Variants in CCDC142 observed in about 807,000 individuals in gnomAD.
CCDC142 encodes the protein coiled-coil domain-containing protein 142.
A neutral mutation model predicts 83.8 loss-of-function variants in CCDC142; 67 were observed. The observed-to-expected ratio is 0.80, with a 90% CI of 0.66 to 0.98. The LOEUF (loss-of-function observed/expected upper bound fraction) is 0.98. Ranked by LOEUF, CCDC142 falls within the 50% of genes least tolerant of loss-of-function variation. CCDC142 has a pLI of 0.00. For missense variants in CCDC142, 905 were observed against 946.8 expected (o/e 0.96, Z 0.58); for synonymous variants, 421 against 421.2 (o/e 1.00, Z 0.01).
At position 74,482,195 on chromosome 2, in the gene CCDC142, G is replaced by T; in HGVS notation, c.643C>A (p.Leu215Ile). The T allele has an allele frequency of 6.2e-7, 1 of 1,613,714 alleles. No homozygotes were observed. Among genetic ancestry groups the T allele is most frequent in the Non-Finnish European group, 8.5e-7 (1 of 1,179,942 alleles). The stretch of plus-strand genomic sequence containing the variant: ...ACGTGGCTCAAGGCTTTTCTCTGTA[G>T]TGTGTGGTAGGCGGGAAGTGCAAAG... ...LLFALPAYHT[L>I]QRKALSHVPG... Residue 215 changes from leucine to isoleucine, a missense_variant, in exon 1 of 9, where the codon CTA becomes ATA. Physicochemically the swap from Leu to Ile is conservative, Grantham distance 5 (BLOSUM62 2). Transcript: ENST00000393965. This position sits in a 1 kb window ranked among gnomAD's most constrained non-coding sequence, Gnocchi z 5.0.
intron 1 of CCDC142, 91 bp from the exon 2 acceptor site, chr2:74,481,629 C>T (rs115138061): frequency 0.019 from 26,554 of 1,413,430 alleles, 302 homozygotes; most frequent in Non-Finnish European, 0.023. Context: ...AGGCATGCTT[C>T]CTCCAAGACT....
At position 74,474,899 on chromosome 2, in the gene CCDC142, G is replaced by A. The variant is rs370604172; in HGVS notation, c.1996+17C>T. On this transcript the variant is annotated intron_variant, in intron 8 of 8. Transcript: ENST00000393965. ...GTTTGGGACACACAAAGCAGTGAGC[G>A]AAGGGGAGTAACTCACAGCAACAGG... 2.0e-5 allele frequency: 32 copies of A among 1,584,406 alleles called. No homozygotes were observed. In the Middle Eastern group the frequency reaches 5.1e-4, roughly 25 times the overall value.
In CCDC142 at chr2:74,482,503, G is replaced by A; in HGVS notation, c.335C>T (p.Ala112Val). Residue 112 changes from alanine (A) to valine (V), a missense_variant, in exon 1 of 9, where the codon GCC (alanine) becomes GTC (valine). This residue lies in a region of CCDC142 where 591 missense variants were observed against 571.4 expected (regional missense o/e 1.03). Transcript: ENST00000393965. The surrounding 1 kb of genome is among the most constrained non-coding windows in gnomAD (Gnocchi z 5.0). ...REQLLQARDC[A>V]YHLQSAVRLM... ...TCGCACAGCCGACTGTAGGTGGTAG[G>A]CGCAGTCTCGGGCCTGGAGGAGCTG... 6.4e-7 allele frequency: 1 copy of A among 1,562,834 alleles called. No homozygotes were observed. The highest frequency in any genetic ancestry group is 8.7e-7 in the Non-Finnish European group (1 of 1,153,134).
Position 74,481,467 on chromosome 2 carries a change from A to G in CCDC142, c.1093T>C (p.Trp365Arg). ...TCCTTCTCACCTTGGTCCCAGCTCC[A>G]GATAAGCGACTGATGAAGTAGTCTG... ...CHRLLHQSLI[W>R]SWDQGFCQAL... is the part of the protein sequence containing the mutation. The change falls in exon 2 of 9, where the codon TGG becomes CGG. Residue 365 changes from tryptophan (W) to arginine (R), a missense_variant. Trp to Arg is a moderately radical substitution (Grantham distance 101). Coordinates refer to ENST00000393965, the MANE Select transcript of CCDC142 (RefSeq NM_001365575.2). 2 of 1,614,158 alleles carry G rather than the reference A, an allele frequency of 1.2e-6. No individual in the cohort carries two copies. Among genetic ancestry groups the G allele is most frequent in the Non-Finnish European group, 1.7e-6 (2 of 1,180,026 alleles).
In CCDC142 at chr2:74,475,067, C is replaced by T. The variant is rs1281371983; in HGVS notation, c.1845G>A (p.Glu615=). Residue 615 remains glutamate, a synonymous_variant, in exon 8 of 9, where the codon GAG becomes GAA. Coordinates refer to ENST00000393965, the MANE Select transcript of CCDC142 (RefSeq NM_001365575.2). ...GGCTCCACTGCTCCTCTTCCAGCAA[C>T]TCCCTGACCACTCCAAAGTCTTGTT... is the stretch of plus-strand genomic sequence containing the variant. ...QLKQDFGVVR[E]LLEEEQWSLS... is the part of the protein sequence containing the mutation. 5 of 1,613,482 alleles carry T rather than the reference C, an allele frequency of 3.1e-6. No individual in the cohort carries two copies. The highest frequency in any genetic ancestry group is 1.3e-5 in the African/African-American group (1 of 75,058).
In CCDC142 at chr2:74,475,248, A is replaced by C. The variant is rs1414633916; in HGVS notation, c.1773T>G (p.Ile591Met). 1 of 1,614,100 alleles carries C rather than the reference A, an allele frequency of 6.2e-7. No individual in the cohort carries two copies. The highest frequency in any genetic ancestry group is 1.1e-5 in the South Asian group (1 of 91,078). ...TAIVGAWLDH[I>M]LTHGIRFSLQ... ...ACCTGAACCGAATCCCATGGGTAAG[A>C]ATGTGGTCAAGCCAGGCACCCACGA... Residue 591 changes from isoleucine (I) to methionine (M), a missense_variant, in exon 7 of 9, where the codon ATT becomes ATG. Coordinates refer to ENST00000393965, the MANE Select transcript of CCDC142 (RefSeq NM_001365575.2).
chr2:74,475,428 G>A, intron 6 of CCDC142, 26 bp from the exon 7 acceptor site: 2 of 1,550,722 alleles, frequency 1.3e-6, no homozygotes, highest in Non-Finnish European at 1.7e-6. Context: ...CAGAATATAA[G>A]GCTGTGGAGA....
rs758265593 is a variant in CCDC142, at chr2:74,474,528, C to T, written c.*18G>A. 6.0e-5 allele frequency: 95 copies of T among 1,570,434 alleles called. No homozygotes were observed. Among genetic ancestry groups the T allele is most frequent in the Non-Finnish European group, 7.8e-5 (91 of 1,161,306 alleles). Reference sequence around the variant, plus strand: ...AGATGGGGAGCTCTTAACTTTCTGGCTCCTGGTCCCAGGCTCCTTAGGATT... The same window carrying T: ...AGATGGGGAGCTCTTAACTTTCTGGTTCCTGGTCCCAGGCTCCTTAGGATT... On this transcript the variant is annotated 3_prime_UTR_variant, in exon 9 of 9. Transcript: ENST00000393965.
rs567094109 is a variant in CCDC142 at position 74,482,954 on chromosome 2, G to C, written c.-117C>G. On this transcript the variant is annotated 5_prime_UTR_variant, in exon 1 of 9. Coordinates refer to ENST00000393965, the MANE Select transcript of CCDC142 (RefSeq NM_001365575.2). The surrounding 1 kb of genome is among the most constrained non-coding windows in gnomAD (Gnocchi z 5.0). ...CCGTTTTCTCCAGTCCGGGAGTCGCGGGGACCTTCATGGACTCTCTCGTGC... is the reference window on the plus strand; with the variant it reads ...CCGTTTTCTCCAGTCCGGGAGTCGCCGGGACCTTCATGGACTCTCTCGTGC... The C allele has an allele frequency of 1.3e-6, 2 of 1,555,146 alleles. No individual in the cohort carries two copies. Among genetic ancestry groups the C allele is most frequent in the Non-Finnish European group, 1.8e-6 (2 of 1,138,380 alleles).
chr2:74,475,138 G>A, intron 7 of CCDC142, 23 bp from the exon 8 acceptor site: 1 of 1,610,490 alleles, frequency 6.2e-7, no homozygotes, highest in East Asian at 2.2e-5. Context: ...GTACAGTATG[G>A]CCACTTGACC....
chr2:74,482,264 C>G lies in CCDC142; in HGVS notation c.574G>C (p.Glu192Gln). 13 of 1,612,804 alleles carry G rather than the reference C, an allele frequency of 8.1e-6. No homozygotes were observed. Among genetic ancestry groups the G allele is most frequent in the Non-Finnish European group, 1.1e-5 (13 of 1,179,832 alleles). Residue 192 changes from glutamate (E) to glutamine (Q), a missense_variant, in exon 1 of 9, where the codon GAG becomes CAG. This residue lies in a region of CCDC142 where 591 missense variants were observed against 571.4 expected (regional missense o/e 1.03). Transcript: ENST00000393965. This position sits in a 1 kb window ranked among gnomAD's most constrained non-coding sequence, Gnocchi z 5.0. ...GACGACAGGCCCGGGCTGGCGGGCT[C>G]CCGGCCGAGAGCGCGAAGCTGCATC... ...IEMQLRALGR[E>Q]PASPGLSSQL...
chr2:74,474,817 G>A lies in CCDC142; in HGVS notation c.1997-15C>T. On this transcript the variant is annotated splice_polypyrimidine_tract_variant and intron_variant, in intron 8 of 8. Coordinates refer to ENST00000393965, the MANE Select transcript of CCDC142 (RefSeq NM_001365575.2). ...CTGACAAGCACCTGGTAAGGCAGGA[G>A]TGGAAGGTAGGTGGCTGCTGGGGAT... 1 of 1,600,250 alleles carries A rather than the reference G, an allele frequency of 6.2e-7. No individual in the cohort carries two copies.
rs772151480 is a variant in CCDC142, at chr2:74,482,384, C to T, written c.454G>A (p.Ala152Thr). Residue 152 changes from alanine to threonine, a missense_variant, in exon 1 of 9, where the codon GCG becomes ACG. Ala to Thr is a moderately conservative substitution (Grantham distance 58, BLOSUM62 0). Around this residue, in one of 3 missense-constraint regions of CCDC142, gnomAD observed 591 missense variants for 571.4 expected, o/e 1.03. Coordinates refer to ENST00000393965, the MANE Select transcript of CCDC142 (RefSeq NM_001365575.2). This position sits in a 1 kb window ranked among gnomAD's most constrained non-coding sequence, Gnocchi z 5.0. ...RDLQLHPSQG[A>T]VLRIGPGETL... is the part of the protein sequence containing the mutation. ...TCCCCAGGGCCGATTCGCAGAACCG[C>T]CCCTTGGGAAGGGTGCAGCTGCAGG... The T allele has an allele frequency of 1.0e-5, 16 of 1,577,244 alleles. No homozygotes were observed. The South Asian group carries it at 1.8e-4, about 18-fold the overall frequency.
chr2:74,478,965 G>T (rs1672386555), intron 5 of CCDC142, among the ~76,000 whole-genome samples: 1 of 150,722 alleles, frequency 6.6e-6, no homozygotes, highest in South Asian at 2.1e-4. Context: ...GGTGGAGGTT[G>T]CAGTGAGTAG....
At chr2:74,479,581 C>A (rs1039736360) in intron 5 of CCDC142, among the ~76,000 whole-genome samples, 5 of 152,138 alleles carry the variant, frequency 3.3e-5, no homozygotes, top group African/African-American at 4.8e-5. Context: ...ACTTTTTAAA[C>A]TATAGACATG....
chr2:74,480,096 T>G lies in CCDC142; in HGVS notation c.1503+673A>C, dbSNP rs181055887. Among the ~76,000 whole-genome samples, 100 of 152,272 alleles carry G rather than the reference T, an allele frequency of 6.6e-4. No homozygotes were observed. In the East Asian group the frequency reaches 0.014, roughly 21 times the overall value. Reference sequence around the variant, plus strand: ...ATTGAAATGTTACCACTTTACAACCTCTAATGAAATAATGAATCGAGGCAA... The same window carrying G: ...ATTGAAATGTTACCACTTTACAACCGCTAATGAAATAATGAATCGAGGCAA... On this transcript the variant is annotated intron_variant, in intron 5 of 8. Transcript: ENST00000393965.
chr2:74,477,180 G>T (rs887627785), intron 5 of CCDC142, among the ~76,000 whole-genome samples: 1 of 151,534 alleles, frequency 6.6e-6, no homozygotes, highest in Non-Finnish European at 1.5e-5. Flanking sequence ...GTGCAGTTGC[G>T]CAATCTCAGA....
chr2:74,475,115 G>C lies in CCDC142; in HGVS notation c.1797C>G (p.Ser599Arg). The change falls in exon 8 of 9, where the codon AGC becomes AGG. Residue 599 changes from serine to arginine, a missense_variant and splice_region_variant. By Grantham distance (110) the Ser-to-Arg change is moderately radical. Transcript: ENST00000393965. ...GTTTGAGCTGCAGCGCTCCCTGCAG[G>C]CTGAAGGCAGAGGTACAGTATGGCC... ...DHILTHGIRFSLQGALQLKQD... is the reference protein window; with the variant it reads ...DHILTHGIRFRLQGALQLKQD... 2 of 1,610,226 alleles carry C rather than the reference G, an allele frequency of 1.2e-6. No individual in the cohort carries two copies. Among genetic ancestry groups the C allele is most frequent in the Non-Finnish European group, 1.7e-6 (2 of 1,177,782 alleles).
chr2:74,479,302 T>G (rs1672394220), intron 5 of CCDC142, among the ~76,000 whole-genome samples: 1 of 152,092 alleles, frequency 6.6e-6, no homozygotes, highest in Admixed American at 6.6e-5. Context: ...AGTTAAGGAC[T>G]GAACTCTACA....
Sources: gnomAD v4.1 joint callset for allele counts (sites outside exome capture counted in the v4.1 genomes callset) on GRCh38, gnomAD v4.1.1 for gene constraint, gnomAD v4.1.1 regional missense constraint, Gnocchi (gnomAD v3.1) non-coding constraint, MANE v1.5 for transcripts, NCBI Gene and HGNC (gene_info 2026-07-23, HGNC 2026-07-21) for gene names.